BMP5: variants seen among roughly 807,000 people sequenced by gnomAD.
BMP5 encodes bone morphogenetic protein 5.
BMP5 carries 23 observed loss-of-function variants against 46.6 expected under a neutral mutation model. The ratio of observed to expected loss-of-function variants is 0.49; its 90% confidence interval spans 0.35 to 0.70. BMP5 has a LOEUF of 0.70. Among genes scored for constraint, BMP5 ranks in the 30% least tolerant of loss-of-function variants. The probability of loss-of-function intolerance (pLI) is 0.00; values close to 1 mark genes in which losing one functional copy is unlikely to be tolerated. For synonymous variants in BMP5, 204 were observed against 191.9 expected, an observed-to-expected ratio of 1.06 and a Z score of -0.52; for missense variants, 545 against 565.6, an observed-to-expected ratio of 0.96 and a Z score of 0.37.
chr6:55,838,764 A>G (rs987454560), intron 1 of BMP5, among the ~76,000 whole-genome samples: 1 of 152,198 alleles, frequency 6.6e-6, no homozygotes, highest in South Asian at 2.1e-4. Context: ...CCTTGGAAAC[A>G]TCTATAGAAT....
intron 1 of BMP5, among the ~76,000 whole-genome samples, chr6:55,858,487 G>T (rs926414288): frequency 6.6e-6 from 1 of 151,992 alleles, no homozygotes; most frequent in African/African-American, 2.4e-5. Flanking sequence ...ACTCCCCAAA[G>T]AGAAAATATA....
chr6:55,758,244 C>T (rs1329906912), intron 6 of BMP5, among the ~76,000 whole-genome samples: 1 of 151,836 alleles, frequency 6.6e-6, no homozygotes, highest in Non-Finnish European at 1.5e-5. Flanking sequence ...AATTATGTCA[C>T]ATAGTCTGGT....
At chr6:55,796,968 C>G (rs147549676) in intron 2 of BMP5, among the ~76,000 whole-genome samples, 3 of 152,130 alleles carry the variant, frequency 2.0e-5, no homozygotes, top group East Asian at 1.9e-4. Flanking sequence ...CATAAGTGCA[C>G]AGTTTTCTAT....
intron 1 of BMP5, among the ~76,000 whole-genome samples, chr6:55,859,653 T>C (rs902424889): frequency 3.9e-5 from 6 of 152,168 alleles, no homozygotes; most frequent in Admixed American, 2.6e-4. Context: ...CTCTAGATAA[T>C]GGAATTGTAA....
chr6:55,771,242 A>T (rs1419106045), intron 4 of BMP5, among the ~76,000 whole-genome samples: 1 of 151,862 alleles, frequency 6.6e-6, no homozygotes, highest in East Asian at 1.9e-4. Context: ...TTTTAAAAAA[A>T]TCTTATCCAC....
intron 1 of BMP5, among the ~76,000 whole-genome samples, chr6:55,863,040 T>C (rs1777559818): frequency 6.6e-6 from 1 of 152,176 alleles, no homozygotes; most frequent in Non-Finnish European, 1.5e-5. Flanking sequence ...ACCTGGCTCC[T>C]TTGCCCTGTG....
chr6:55,854,391 T>G (rs977590685), intron 1 of BMP5, among the ~76,000 whole-genome samples: 1 of 152,104 alleles, frequency 6.6e-6, no homozygotes, highest in Non-Finnish European at 1.5e-5. Context: ...ATTTTTTCAT[T>G]TCAATAAAAT....
chr6:55,783,331 C>T (rs1310650688), intron 3 of BMP5, among the ~76,000 whole-genome samples: 1 of 151,872 alleles, frequency 6.6e-6, no homozygotes, highest in African/African-American at 2.4e-5. Flanking sequence ...TTGCCACTTC[C>T]AATATATACT....
At position 55,874,862 on chromosome 6, in the gene BMP5, G is replaced by T. The variant is rs9475437; in HGVS notation, c.4C>A (p.His2Asn). Residue 2 changes from histidine to asparagine, a missense_variant, in exon 1 of 7, where the codon CAT becomes AAT. By Grantham distance (68) the His-to-Asn change is moderately conservative. Transcript: ENST00000370830. ...CCCTTAAGTAAAAATACAGTCAGATGCATTTTTGTCCAAAAGCAAAAGTTG... is the reference window on the plus strand; with the variant it reads ...CCCTTAAGTAAAAATACAGTCAGATTCATTTTTGTCCAAAAGCAAAAGTTG... M[H>N]LTVFLLKGIV... is the part of the protein sequence containing the mutation. 1 of 1,612,182 alleles carries T rather than the reference G, an allele frequency of 6.2e-7. No homozygotes were observed. Among genetic ancestry groups the T allele is most frequent in the South Asian group, 1.1e-5 (1 of 91,000 alleles).
At chr6:55,758,523 G>A (rs185506404) in intron 6 of BMP5, among the ~76,000 whole-genome samples, 163 of 151,964 alleles carry the variant, frequency 1.1e-3, no homozygotes, top group Middle Eastern at 6.8e-3. Flanking sequence ...GGAGGAGGAG[G>A]AGAACAATAA....
chr6:55,770,349 G>T (rs762716195), intron 4 of BMP5, among the ~76,000 whole-genome samples: 1 of 151,700 alleles, frequency 6.6e-6, no homozygotes, highest in African/African-American at 2.4e-5. Context: ...TTCCTTAAAC[G>T]TCATGAACCA....
In BMP5 at chr6:55,789,789, G is replaced by A. The variant is rs150131234; in HGVS notation, c.832+4490C>T. ...GTCTAAATTTTGCCATTAAGAAGCG[G>A]CAATATATTTTTTCATTTGCTTGCT... On this transcript the variant is annotated intron_variant, in intron 3 of 6. Transcript: ENST00000370830. 4.7e-3 allele frequency among the ~76,000 whole-genome samples: 717 copies of A among 152,042 alleles called. 4 individuals carry two copies. The highest frequency in any genetic ancestry group is 0.016 in the African/African-American group (667 of 41,500).
chr6:55,805,969 A>T (rs1463143994), intron 2 of BMP5, among the ~76,000 whole-genome samples: 1 of 151,936 alleles, frequency 6.6e-6, no homozygotes, highest in Non-Finnish European at 1.5e-5. Flanking sequence ...TGGGTATCAG[A>T]CCTTCATCAG....
intron 1 of BMP5, among the ~76,000 whole-genome samples, chr6:55,834,799 G>A (rs1252717206): frequency 2.0e-5 from 3 of 152,100 alleles, no homozygotes; most frequent in African/African-American, 2.4e-5. Flanking sequence ...TCCATATGGA[G>A]GCCAGGTGCA....
chr6:55,809,154 TTAAAG>T (rs1321221203), intron 2 of BMP5, among the ~76,000 whole-genome samples: 1 of 152,152 alleles, frequency 6.6e-6, no homozygotes, highest in African/African-American at 2.4e-5. Flanking sequence ...TAAATGAAAA[TTAAAG>T]TAATTTCTAC....
intron 1 of BMP5, among the ~76,000 whole-genome samples, chr6:55,861,537 A>G (rs1777526051): frequency 6.6e-6 from 1 of 152,178 alleles, no homozygotes; most frequent in African/African-American, 2.4e-5. Context: ...TTACTGACCA[A>G]TTAGATTGTA....
chr6:55,841,676 A>T (rs1196518310), intron 1 of BMP5, among the ~76,000 whole-genome samples: 2 of 152,066 alleles, frequency 1.3e-5, no homozygotes, highest in Non-Finnish European at 2.9e-5. Context: ...GCCTCTTCAC[A>T]TGGCTGTCTC....
chr6:55,811,516 T>G (rs1214287775), intron 2 of BMP5, among the ~76,000 whole-genome samples: 1 of 152,200 alleles, frequency 6.6e-6, no homozygotes, highest in Non-Finnish European at 1.5e-5. Flanking sequence ...GCTATTCTTA[T>G]TAGTAGTAAC....
At chr6:55,766,384 A>C (rs1223500245) in intron 4 of BMP5, among the ~76,000 whole-genome samples, 4 of 151,878 alleles carry the variant, frequency 2.6e-5, no homozygotes, top group Non-Finnish European at 5.9e-5. Context: ...GCCTCATCCT[A>C]CATCTAACAA....
Sources: gnomAD v4.1 joint callset for allele counts (sites outside exome capture counted in the v4.1 genomes callset) on GRCh38, gnomAD v4.1.1 for gene constraint, MANE v1.5 for transcripts, NCBI Gene and HGNC (gene_info 2026-07-23, HGNC 2026-07-21) for gene names.